TULP4: variants seen among roughly 807,000 people sequenced by gnomAD.
The protein encoded by TULP4 is tubby-related protein 4.
In TULP4, 16 loss-of-function variants were observed where a neutral mutation model predicts 129.0. The ratio of observed to expected loss-of-function variants is 0.12; its 90% confidence interval spans 0.08 to 0.19. The LOEUF (loss-of-function observed/expected upper bound fraction) is 0.19. Ranked by LOEUF, TULP4 falls within the 10% of genes least tolerant of loss-of-function variation. The pLI, the probability that TULP4 is intolerant of heterozygous loss-of-function variation, is 1.00. For synonymous variants in TULP4, 998 were observed against 854.0 expected (o/e 1.17, Z -2.94); for missense variants, 1,842 against 2,059.1 (o/e 0.89, Z 2.04).
chr6:158,444,625 G>A (rs341127), intron 3 of TULP4, among the ~76,000 whole-genome samples: 92,178 of 152,068 alleles, frequency 0.61, 28,771 homozygotes, highest in African/African-American at 0.76. Flanking sequence ...ATGAGATACT[G>A]TGGCTTCCAA....
chr6:158,395,298 T>A (rs984060273), intron 1 of TULP4, among the ~76,000 whole-genome samples: 3 of 152,100 alleles, frequency 2.0e-5, no homozygotes, highest in Non-Finnish European at 4.4e-5. Flanking sequence ...ATGGAAGACC[T>A]GGCCGGGCAC....
intron 1 of TULP4, among the ~76,000 whole-genome samples, chr6:158,372,090 C>T (rs1777082179): frequency 6.8e-6 from 1 of 146,638 alleles, no homozygotes; most frequent in Non-Finnish European, 1.5e-5. Context: ...GCTGGGATTA[C>T]AGGCATAAGC....
intron 1 of TULP4, among the ~76,000 whole-genome samples, chr6:158,260,055 T>G (rs903332555): frequency 3.9e-5 from 6 of 152,172 alleles, no homozygotes; most frequent in African/African-American, 1.4e-4. Flanking sequence ...CAGCCCCTCT[T>G]CTTCCCAGAG....
chr6:158,428,635 T>G (rs1375631805), intron 2 of TULP4, among the ~76,000 whole-genome samples: 1 of 152,058 alleles, frequency 6.6e-6, no homozygotes, highest in African/African-American at 2.4e-5. Context: ...TTTTTCTTCA[T>G]TCTGATTGAG....
intron 1 of TULP4, among the ~76,000 whole-genome samples, chr6:158,379,410 GGGGACTTAT>G (rs1365556492): frequency 6.6e-6 from 1 of 152,200 alleles, no homozygotes; most frequent in Non-Finnish European, 1.5e-5. Flanking sequence ...GCAGTTATTA[GGGGACTTAT>G]GGACAGAGTG....
Position 158,383,226 on chromosome 6 carries a change from A to G in TULP4, c.253-29839A>G, listed in dbSNP as rs149838129. Among the ~76,000 whole-genome samples the G allele has an allele frequency of 3.2e-4, 48 of 152,310 alleles. No homozygotes were observed. In the East Asian group the frequency reaches 8.7e-3, roughly 28 times the overall value. On this transcript the variant is annotated intron_variant, in intron 1 of 13. Coordinates refer to ENST00000367097, the MANE Select transcript of TULP4 (RefSeq NM_020245.5). ...AGACTGGGGTGCTTCTCACTACTGT[A>G]TGCCTCCCTGCTCTCACAAAGCTCC...
chr6:158,420,634 A>G (rs1778317636), intron 2 of TULP4, among the ~76,000 whole-genome samples: 1 of 145,296 alleles, frequency 6.9e-6, no homozygotes, highest in South Asian at 2.3e-4. Flanking sequence ...GGCACCCGCC[A>G]CTACACCTGG....
intron 1 of TULP4, among the ~76,000 whole-genome samples, chr6:158,326,999 T>C (rs980903700): frequency 2.0e-5 from 3 of 152,200 alleles, no homozygotes; most frequent in Admixed American, 6.5e-5. Flanking sequence ...GATTTGAGTA[T>C]GTGAGAATTT....
At chr6:158,368,388 C>T (rs895934444) in intron 1 of TULP4, among the ~76,000 whole-genome samples, 4 of 152,142 alleles carry the variant, frequency 2.6e-5, no homozygotes, top group East Asian at 1.9e-4. Flanking sequence ...CTACAGCCTC[C>T]ACCTCCAAGG....
chr6:158,245,546 A>G (rs530800619), intron 1 of TULP4, among the ~76,000 whole-genome samples: 3 of 152,180 alleles, frequency 2.0e-5, no homozygotes, highest in African/African-American at 7.2e-5. Flanking sequence ...AGATATCACA[A>G]TGCAAAGTGT....
intron 1 of TULP4, among the ~76,000 whole-genome samples, chr6:158,382,802 A>G (rs147465525): frequency 6.6e-6 from 1 of 152,234 alleles, no homozygotes; most frequent in Non-Finnish European, 1.5e-5. Context: ...TTTGTAAGCC[A>G]TGAGACTTGT....
intron 1 of TULP4, among the ~76,000 whole-genome samples, chr6:158,246,562 A>G (rs1251462961): frequency 6.6e-6 from 1 of 152,152 alleles, no homozygotes; most frequent in Non-Finnish European, 1.5e-5. Context: ...AATGACTGCA[A>G]ACTCTGATAA....
At chr6:158,504,557 C>T (rs1365169408) in intron 13 of TULP4, among the ~76,000 whole-genome samples, 11 of 150,932 alleles carry the variant, frequency 7.3e-5, no homozygotes, top group Non-Finnish European at 1.6e-4. Flanking sequence ...GGGGTTTCAC[C>T]GTGTTAGCCA....
At chr6:158,281,235 C>T (rs1210052921), upstream of TULP4, among the ~76,000 whole-genome samples, 6 of 146,356 alleles carry the variant, frequency 4.1e-5, no homozygotes, top group South Asian at 2.2e-4. Flanking sequence ...TTTTTTGAGA[C>T]GGAGTTTTGC....
chr6:158,370,708 G>A (rs1216253523), intron 1 of TULP4, among the ~76,000 whole-genome samples: 3 of 152,098 alleles, frequency 2.0e-5, no homozygotes. Context: ...GTTCATCAGA[G>A]AATTGATTCA....
intron 1 of TULP4, among the ~76,000 whole-genome samples, chr6:158,367,661 G>A (rs532586346): frequency 1.3e-5 from 2 of 152,204 alleles, no homozygotes; most frequent in East Asian, 3.9e-4. Flanking sequence ...CATTAAATTT[G>A]GCAAGTAGAA....
chr6:158,239,188 C>G lies in TULP4; in HGVS notation n.68+6885C>G, dbSNP rs1254045622. On this transcript the variant is annotated intron_variant and non_coding_transcript_variant, in intron 1 of 1. Coordinates refer to the TULP4 transcript ENST00000620026. ...GGCGGCTGGCCGGGCGGGGGGCTGA[C>G]CCCCCCCACCTCCCTCCCGGACGGG... 1.1e-3 allele frequency among the ~76,000 whole-genome samples: 98 copies of G among 85,226 alleles called. 5 individuals carry two copies. Among genetic ancestry groups the G allele is most frequent in the Middle Eastern group, 9.8e-3 (1 of 102 alleles). 55.9% of individuals were successfully genotyped at this position (85,226 alleles called of 152,430 possible).
chr6:158,282,027 C>G (rs1394294534), upstream of TULP4, among the ~76,000 whole-genome samples: 2 of 152,098 alleles, frequency 1.3e-5, no homozygotes, highest in Non-Finnish European at 2.9e-5. Flanking sequence ...TTTGCATTAA[C>G]ATTTTTGCTG....
At chr6:158,281,947 AT>A (rs917888653), upstream of TULP4, among the ~76,000 whole-genome samples, 74 of 152,110 alleles carry the variant, frequency 4.9e-4, no homozygotes, top group African/African-American at 1.8e-3. Context: ...TTCTGATAAG[AT>A]TTGTGTAATC....
Sources: allele counts gnomAD v4.1 joint callset (sites outside exome capture counted in the v4.1 genomes callset), GRCh38; gene constraint gnomAD v4.1.1; transcripts MANE v1.5; gene names NCBI Gene and HGNC (gene_info 2026-07-23, HGNC 2026-07-21).